The following ANXA4 variants were observed in gnomAD, a reference collection of about 807,000 sequenced individuals.
ANXA4 encodes the protein annexin A4.
A neutral mutation model predicts 49.8 loss-of-function variants in ANXA4; 39 were observed. The ratio of observed to expected loss-of-function variants is 0.78; its 90% CI spans 0.61 to 1.02. The LOEUF is 1.02. Among genes scored for constraint, ANXA4 ranks in the 50% least tolerant of loss-of-function variants. The pLI is 0.00. For missense variants in ANXA4, 360 were observed against 410.1 expected, an observed-to-expected ratio of 0.88 and a Z score of 1.05; for synonymous variants, 134 against 152.5, an observed-to-expected ratio of 0.88 and a Z score of 0.89.
In ANXA4 at chr2:69,816,013, G is replaced by C. The variant is rs13392215; in HGVS notation, c.535-88G>C. The C allele has an allele frequency of 6.7e-6, 7 of 1,040,374 alleles. No homozygotes were observed. In the South Asian group the frequency reaches 9.3e-5, roughly 14 times the overall value. The allele number at this position is 1,040,374 out of a possible 1,614,324, so 64.4% of individuals were successfully genotyped here. A position where few individuals can be genotyped will look rare whatever the true frequency, so the allele number is the denominator to read the frequency against. On this transcript the variant is annotated intron_variant, in intron 8 of 12. Transcript: ENST00000394295. ...TCACCAACAAAATAAAACTAAGCCA[G>C]CTCAGCTCTTTGAGCTTCTGGAAAT... is the stretch of plus-strand genomic sequence containing the variant.
At chr2:69,767,441 C>T (rs981545692) in intron 1 of ANXA4, among the ~76,000 whole-genome samples, 2 of 152,196 alleles carry the variant, frequency 1.3e-5, no homozygotes, top group Admixed American at 1.3e-4. Flanking sequence ...AACCTAAACA[C>T]AGGATGCTGG....
upstream of ANXA4, among the ~76,000 whole-genome samples, chr2:69,740,795 C>T (rs1424373798): frequency 6.7e-6 from 1 of 149,938 alleles, no homozygotes; most frequent in Non-Finnish European, 1.5e-5. Context: ...GTTTATCCCA[C>T]CTCATCCGAC....
At chr2:69,811,871 C>T (rs1673717787) in intron 7 of ANXA4, among the ~76,000 whole-genome samples, 2 of 152,062 alleles carry the variant, frequency 1.3e-5, no homozygotes, top group Non-Finnish European at 1.5e-5. Flanking sequence ...TTCTCTTTTC[C>T]TCCCATATTT....
At chr2:69,796,809 C>T (rs749198549) in intron 3 of ANXA4, among the ~76,000 whole-genome samples, 2 of 152,202 alleles carry the variant, frequency 1.3e-5, no homozygotes, top group South Asian at 4.2e-4. Context: ...CCCAATGGCT[C>T]CTGCAAAACT....
chr2:69,700,292 G>A (rs75874858), intron 2 of ANXA4: 1 of 152,280 alleles, frequency 6.6e-6, no homozygotes, highest in African/African-American at 2.4e-5. Flanking sequence ...TGAGGCGGGA[G>A]GATCTCTTGA....
intron 1 of ANXA4, among the ~76,000 whole-genome samples, chr2:69,759,023 C>T (rs1671168532): frequency 6.6e-6 from 1 of 151,692 alleles, no homozygotes; most frequent in Non-Finnish European, 1.5e-5. Flanking sequence ...GTAATCCCAG[C>T]TACTCAGGAG....
intron 1 of ANXA4, among the ~76,000 whole-genome samples, chr2:69,777,188 C>T (rs1240094687): frequency 6.6e-6 from 1 of 152,184 alleles, no homozygotes; most frequent in Non-Finnish European, 1.5e-5. Context: ...AACCTGGAAG[C>T]TCTTCAACCC....
At chr2:69,778,074 T>G (rs6744090) in intron 1 of ANXA4, among the ~76,000 whole-genome samples, 2,392 of 152,310 alleles carry the variant, frequency 0.016, 71 homozygotes, top group African/African-American at 0.055. Flanking sequence ...AAAATATCCC[T>G]TATTTGATTT....
intron 2 of ANXA4, among the ~76,000 whole-genome samples, chr2:69,662,981 T>TTTTCC (rs1283871515): frequency 6.4e-5 from 9 of 140,362 alleles, no homozygotes; most frequent in South Asian, 5.0e-4. Flanking sequence ...GATGTCCTGG[T>TTTTCC]TTTTCTTTTT....
At chr2:69,686,459 C>T (rs1188514258) in intron 2 of ANXA4, among the ~76,000 whole-genome samples, 6 of 151,476 alleles carry the variant, frequency 4.0e-5, no homozygotes, top group South Asian at 4.2e-4. Flanking sequence ...CGTGAGCCAC[C>T]GCACCTGGCC....
chr2:69,733,975 C>G (rs996934837), intron 3 of ANXA4, among the ~76,000 whole-genome samples: 3 of 151,436 alleles, frequency 2.0e-5, no homozygotes, highest in Non-Finnish European at 4.4e-5. Flanking sequence ...TTTAATCTGG[C>G]CTTACTGAAT....
In ANXA4 at chr2:69,781,669, T is replaced by A. The variant is rs532394638; in HGVS notation, c.9+95T>A. 3 of 1,426,152 alleles carry A rather than the reference T, an allele frequency of 2.1e-6. No individual in the cohort carries two copies. In the South Asian group the frequency reaches 3.5e-5, roughly 17 times the overall value. 88.3% of individuals were successfully genotyped at this position (1,426,152 alleles called of 1,614,324 possible). On this transcript the variant is annotated intron_variant, in intron 2 of 12. Coordinates refer to ENST00000394295, the MANE Select transcript of ANXA4 (RefSeq NM_001153.5). The stretch of plus-strand genomic sequence containing the variant: ...CTGTTAGCTTAAACAAAGCATTGTT[T>A]ACTCAACAGAGGGGAAGGAGGAGGA...
intron 1 of ANXA4, among the ~76,000 whole-genome samples, chr2:69,770,321 G>A (rs1016508820): frequency 6.6e-6 from 1 of 152,218 alleles, no homozygotes. Flanking sequence ...AGTTTTGAAA[G>A]CCTTTAGTGT....
intron 2 of ANXA4, among the ~76,000 whole-genome samples, chr2:69,696,497 T>G (rs1678164159): frequency 6.6e-6 from 1 of 152,184 alleles, no homozygotes; most frequent in Admixed American, 6.5e-5. Context: ...TCCTCCAAAC[T>G]CTGTTGATGT....
Position 69,646,209 on chromosome 2 carries a change from A to C in ANXA4, n.481+1304A>C, listed in dbSNP as rs554693209. ...CTCTTACAACTCTTAGTAATTTTTT[A>C]GTTCCTGAGTACAAAATAATGAACA... On this transcript the variant is annotated intron_variant and non_coding_transcript_variant, in intron 1 of 3. Transcript: ENST00000418066. 5.3e-5 allele frequency among the ~76,000 whole-genome samples: 8 copies of C among 152,336 alleles called. No individual in the cohort carries two copies. In the South Asian group the frequency reaches 1.5e-3, roughly 28 times the overall value.
chr2:69,773,967 G>T (rs1040416120), intron 1 of ANXA4, among the ~76,000 whole-genome samples: 1 of 151,824 alleles, frequency 6.6e-6, no homozygotes, highest in African/African-American at 2.4e-5. Flanking sequence ...CTAGTAGCTG[G>T]GATTACAGGC....
chr2:69,646,251 C>T (rs1279582194), intron 1 of ANXA4, among the ~76,000 whole-genome samples: 1 of 152,202 alleles, frequency 6.6e-6, no homozygotes, highest in Non-Finnish European at 1.5e-5. Context: ...CCACTATAAT[C>T]TCAAAACTAT....
intron 3 of ANXA4, among the ~76,000 whole-genome samples, chr2:69,790,239 C>A (rs543188922): frequency 6.6e-6 from 1 of 152,212 alleles, no homozygotes; most frequent in South Asian, 2.1e-4. Flanking sequence ...TAACATATTT[C>A]CCCCCTCAGG....
At chr2:69,721,815 T>C (rs907887436) in intron 3 of ANXA4, among the ~76,000 whole-genome samples, 6 of 152,218 alleles carry the variant, frequency 3.9e-5, no homozygotes, top group Admixed American at 1.3e-4. Flanking sequence ...GAAAAACCTT[T>C]ATTATATTCC....
Sources: gnomAD v4.1 joint callset for allele counts (sites outside exome capture counted in the v4.1 genomes callset) on GRCh38, gnomAD v4.1.1 for gene constraint, MANE v1.5 for transcripts, NCBI Gene and HGNC (gene_info 2026-07-23, HGNC 2026-07-21) for gene names.